Variants in SEMA6D observed in about 807,000 individuals in gnomAD.
The protein encoded by SEMA6D is semaphorin-6D.
SEMA6D carries 35 observed loss-of-function variants against 106.6 expected under a neutral mutation model. That is an observed-to-expected ratio of 0.33 (90% confidence interval 0.25 to 0.44). The LOEUF is 0.44. Ranked by LOEUF, SEMA6D falls within the 20% of genes least tolerant of loss-of-function variation. SEMA6D has a pLI of 1.00. For synonymous variants in SEMA6D, 499 were observed against 487.7 expected (o/e 1.02, Z -0.31); for missense variants, 1,185 against 1,345.9 (o/e 0.88, Z 1.87).
chr15:47,367,678 A>ACGTGCGCG (rs1555428920), intron 1 of SEMA6D, among the ~76,000 whole-genome samples: 21 of 137,630 alleles, frequency 1.5e-4, no homozygotes, highest in Admixed American at 1.1e-3. Context: ...GCACGCTCAC[A>ACGTGCGCG]CGCGCGCGCG....
chr15:47,752,248 A>G (rs1215415914), intron 1 of SEMA6D, among the ~76,000 whole-genome samples: 2 of 152,226 alleles, frequency 1.3e-5, no homozygotes, highest in African/African-American at 4.8e-5. Flanking sequence ...GAGGTGGGTA[A>G]ACCGTCAGAA....
intron 3 of SEMA6D, among the ~76,000 whole-genome samples, chr15:47,478,809 T>C (rs2043069671): frequency 6.6e-6 from 1 of 152,164 alleles, no homozygotes; most frequent in Admixed American, 6.5e-5. Context: ...AAAGGTTTAA[T>C]GGACTCACAG....
intron 1 of SEMA6D, among the ~76,000 whole-genome samples, chr15:47,748,647 C>A (rs759887203): frequency 6.6e-6 from 1 of 152,106 alleles, no homozygotes; most frequent in East Asian, 1.9e-4. Context: ...GAAAGAATAG[C>A]GTGTGCAGAA....
At chr15:47,463,418 G>T (rs541915329) in intron 2 of SEMA6D, among the ~76,000 whole-genome samples, 2 of 152,274 alleles carry the variant, frequency 1.3e-5, no homozygotes, top group East Asian at 3.9e-4. Context: ...CTGCATATAT[G>T]TCTCCTTTAA....
rs146777384 is a variant in SEMA6D at position 47,330,284 on chromosome 15, A to T, written c.-238-82109A>T. On this transcript the variant is annotated intron_variant, in intron 1 of 19. Transcript: ENST00000558014. ...TAAGTGTGTAGACATGATGGAGGTG[A>T]CCCATAGGTAACCAAGCCCTCTGTT... 3.1e-3 allele frequency among the ~76,000 whole-genome samples: 471 copies of T among 152,284 alleles called. 6 individuals carry two copies. Among genetic ancestry groups the T allele is most frequent in the African/African-American group, 0.011 (457 of 41,558 alleles).
At chr15:47,460,502 A>G (rs772527763) in intron 2 of SEMA6D, among the ~76,000 whole-genome samples, 1 of 152,118 alleles carries the variant, frequency 6.6e-6, no homozygotes, top group Non-Finnish European at 1.5e-5. Context: ...GGGAAATCAT[A>G]TATCTGCTAT....
intron 3 of SEMA6D, among the ~76,000 whole-genome samples, chr15:47,555,033 G>A (rs2045876354): frequency 6.6e-6 from 1 of 152,158 alleles, no homozygotes; most frequent in Non-Finnish European, 1.5e-5. Context: ...AGCCTTCCAA[G>A]CAGGCCCGCT....
chr15:47,520,770 C>T (rs2141927307), intron 3 of SEMA6D, among the ~76,000 whole-genome samples: 1 of 152,236 alleles, frequency 6.6e-6, no homozygotes, highest in African/African-American at 2.4e-5. Context: ...GAGAATCTAA[C>T]ATCAAGTACC....
At chr15:47,211,462 T>A (rs1476853523) in intron 1 of SEMA6D, among the ~76,000 whole-genome samples, 2 of 152,210 alleles carry the variant, frequency 1.3e-5, no homozygotes, top group African/African-American at 2.4e-5. Context: ...CAAAGCAGTA[T>A]ATTTCCAATA....
intron 1 of SEMA6D, among the ~76,000 whole-genome samples, chr15:47,216,327 A>T (rs1373894264): frequency 1.3e-5 from 2 of 148,576 alleles, no homozygotes; most frequent in Non-Finnish European, 3.0e-5. Context: ...GTTAACTCAA[A>T]TTAAAGATTC....
At chr15:47,768,444 C>T in intron 17 of SEMA6D, 137 bp from the exon 18 acceptor site, 1 of 627,382 alleles carries the variant, frequency 1.6e-6, no homozygotes, top group Non-Finnish European at 2.6e-6. Flanking sequence ...GATGTAGCTT[C>T]CTCAGGCGTG....
intron 3 of SEMA6D, among the ~76,000 whole-genome samples, chr15:47,511,792 G>A (rs2044240729): frequency 6.6e-6 from 1 of 152,120 alleles, no homozygotes; most frequent in South Asian, 2.1e-4. Context: ...TCTGGCAGAT[G>A]GGAGGAGGAG....
intron 3 of SEMA6D, among the ~76,000 whole-genome samples, chr15:47,511,463 T>C (rs377531117): frequency 1.1e-4 from 16 of 152,286 alleles, no homozygotes; most frequent in African/African-American, 3.4e-4. Flanking sequence ...GCCAGCAGTA[T>C]AACCTCTATT....
intron 1 of SEMA6D, among the ~76,000 whole-genome samples, chr15:47,330,302 C>T (rs1046300978): frequency 7.2e-5 from 11 of 152,026 alleles, no homozygotes; most frequent in African/African-American, 2.4e-4. Flanking sequence ...GTAACCAAGC[C>T]CTCTGTTTTC....
Position 47,497,465 on chromosome 15 carries a change from A to C in SEMA6D, c.-87+26920A>C, listed in dbSNP as rs530493453. On this transcript the variant is annotated intron_variant, in intron 3 of 19. Transcript: ENST00000558014. Reference sequence around the variant, plus strand: ...AGTAATCATTTGCTTTGACTTCATCACATTAACACTGCTATTTAGTTTCTT... The same window carrying C: ...AGTAATCATTTGCTTTGACTTCATCCCATTAACACTGCTATTTAGTTTCTT... Among the ~76,000 whole-genome samples, 17 of 152,168 alleles carry C rather than the reference A, an allele frequency of 1.1e-4. 2 individuals are homozygous for C. Among genetic ancestry groups the C allele is most frequent in the African/African-American group, 4.1e-4 (17 of 41,522 alleles).
Position 47,699,509 on chromosome 15 carries a change from G to A in SEMA6D, c.-54-60236G>A, listed in dbSNP as rs74693690. ...CAAATCACCTCTGAAAAAGACCTTA[G>A]ACATTTGTTGTTCTGTTTAATTAAC... On this transcript the variant is annotated intron_variant, in intron 4 of 19. Coordinates refer to the SEMA6D transcript ENST00000558014. 8.0e-3 allele frequency among the ~76,000 whole-genome samples: 1,223 copies of A among 152,240 alleles called. 19 individuals carry two copies. The highest frequency in any genetic ancestry group is 0.029 in the African/African-American group (1,198 of 41,532).
At chr15:47,593,405 C>CAAAAA (rs35561269) in intron 3 of SEMA6D, among the ~76,000 whole-genome samples, 1 of 59,930 alleles carries the variant, frequency 1.7e-5, no homozygotes, top group African/African-American at 6.6e-5. Context: ...AACTCCGTCT[C>CAAAAA]AAAAAAAAAA....
At chr15:47,366,824 G>A (rs752623836) in intron 1 of SEMA6D, among the ~76,000 whole-genome samples, 1 of 152,186 alleles carries the variant, frequency 6.6e-6, no homozygotes, top group East Asian at 1.9e-4. Context: ...TAGAAAGGTA[G>A]GGTAGGGCCA....
chr15:47,560,912 C>G (rs1167731738), intron 3 of SEMA6D, among the ~76,000 whole-genome samples: 1 of 152,042 alleles, frequency 6.6e-6, no homozygotes, highest in Non-Finnish European at 1.5e-5. Flanking sequence ...GGAGCAGATT[C>G]TTCCCACATC....
Sources: allele counts gnomAD v4.1 joint callset (sites outside exome capture counted in the v4.1 genomes callset), GRCh38; gene constraint gnomAD v4.1.1; transcripts MANE v1.5; gene names NCBI Gene and HGNC (gene_info 2026-07-23, HGNC 2026-07-21).